RBM25: variants seen among roughly 807,000 people sequenced by gnomAD.
RBM25 encodes the protein RNA binding motif protein 25, also known as RNA-binding protein 25.
In RBM25, 19 loss-of-function variants were observed where a neutral mutation model predicts 120.7. The ratio of observed to expected loss-of-function variants is 0.16; its 90% CI spans 0.11 to 0.23. RBM25 has a LOEUF of 0.23. Ranked by LOEUF, RBM25 falls within the 10% of genes least tolerant of loss-of-function variation. The probability of loss-of-function intolerance (pLI) is 1.00; values close to 1 mark genes in which losing one functional copy is unlikely to be tolerated. For synonymous variants in RBM25, 390 were observed against 326.7 expected, an observed-to-expected ratio of 1.19 and a Z score of -2.09; for missense variants, 605 against 1,041.5, an observed-to-expected ratio of 0.58 and a Z score of 5.77.
At chr14:73,068,767 G>T in intron 1 of RBM25, 1 of 280,884 alleles carries the variant, frequency 3.6e-6, no homozygotes, top group Non-Finnish European at 7.1e-6. Context: ...GTAGAGATGG[G>T]GTTTCACCAT....
intron 13 of RBM25, 33 bp downstream of exon 13, chr14:73,107,932 G>C (rs1322677014): frequency 1.4e-6 from 2 of 1,462,514 alleles, no homozygotes; most frequent in East Asian, 2.3e-5. Context: ...ATTCATACTT[G>C]GTTTTTTATT....
chr14:73,120,907 C>A lies in RBM25; in HGVS notation c.*1102C>A, dbSNP rs1025651866. 6 of 152,076 alleles carry A rather than the reference C, an allele frequency of 3.9e-5. No individual in the cohort carries two copies. The highest frequency in any genetic ancestry group is 2.9e-5 in the Non-Finnish European group (2 of 68,002). The allele number at this position is 152,076 out of a possible 1,614,324, so 9.4% of individuals were successfully genotyped here. A position where few individuals can be genotyped will look rare whatever the true frequency, so the allele number is the denominator to read the frequency against. On this transcript the variant is annotated 3_prime_UTR_variant, in exon 19 of 19. Coordinates refer to ENST00000261973, the MANE Select transcript of RBM25 (RefSeq NM_021239.3). Reference sequence around the variant, plus strand: ...TAAATCATTCAAGGCAGTTACCAACCACTAACTATTTGTTTTCATTTTTGT... The same window carrying A: ...TAAATCATTCAAGGCAGTTACCAACAACTAACTATTTGTTTTCATTTTTGT...
intron 16 of RBM25, 37 bp from the exon 17 acceptor site, chr14:73,112,115 C>T: frequency 6.5e-7 from 1 of 1,530,962 alleles, no homozygotes. Flanking sequence ...TAGCAAGTTA[C>T]AATTCTTTAA....
Position 73,106,014 on chromosome 14 carries a change from A to G in RBM25, c.1310A>G (p.Glu437Gly), listed in dbSNP as rs1461625270. The change falls in exon 11 of 19, where the codon GAA becomes GGA. Residue 437 changes from glutamate (E) to glycine (G), a missense_variant. Physicochemically the swap from Glu to Gly is moderately conservative, Grantham distance 98 (BLOSUM62 -2). Coordinates refer to ENST00000261973, the MANE Select transcript of RBM25 (RefSeq NM_021239.3). ...AAAAAACGGGACCGAGAAGAAGATG[A>G]AGAAGATGCATACGAACGAAGAAAA... Reference protein sequence around the residue: ...KDKKRDREEDEEDAYERRKLE... With the variant: ...KDKKRDREEDGEDAYERRKLE... The G allele has an allele frequency of 3.1e-6, 5 of 1,613,520 alleles. No homozygotes were observed.
intron 6 of RBM25, among the ~76,000 whole-genome samples, chr14:73,095,293 T>C (rs971748488): frequency 3.3e-5 from 5 of 151,596 alleles, no homozygotes; most frequent in Non-Finnish European, 7.4e-5. Flanking sequence ...AAGTGCAGCA[T>C]CTTTCTCACA....
At chr14:73,106,595 C>T (rs1366975759) in intron 12 of RBM25, among the ~76,000 whole-genome samples, 1 of 151,840 alleles carries the variant, frequency 6.6e-6, no homozygotes, top group Non-Finnish European at 1.5e-5. Context: ...AATTGTTGAA[C>T]TGTTGTTATT....
chr14:73,068,133 T>G (rs1177588804), intron 1 of RBM25: 3 of 781,156 alleles, frequency 3.8e-6, no homozygotes, highest in Non-Finnish European at 6.4e-6. Flanking sequence ...ACTGGAAGGT[T>G]GGTCCTAGAT....
Position 73,093,826 on chromosome 14 carries a change from AG to A in RBM25, c.544-3088del, listed in dbSNP as rs552855886. Among the ~76,000 whole-genome samples, 335 of 151,024 alleles carry A rather than the reference AG, an allele frequency of 2.2e-3. 1 individual carries two copies. The highest frequency in any genetic ancestry group is 7.7e-3 in the African/African-American group (316 of 41,154). On this transcript the variant is annotated intron_variant, in intron 6 of 18. Coordinates refer to ENST00000261973, the MANE Select transcript of RBM25 (RefSeq NM_021239.3). Reference sequence around the variant, plus strand: ...CCGGCCATCTGGTTTCTGAAGTATAAGAAAAAAACAGGAAATCAGAAAATCG... The same window carrying A: ...CCGGCCATCTGGTTTCTGAAGTATAAAAAAAAACAGGAAATCAGAAAATCG...
At chr14:73,082,661 T>C (rs779677802) in intron 4 of RBM25, among the ~76,000 whole-genome samples, 9 of 152,224 alleles carry the variant, frequency 5.9e-5, no homozygotes, top group Non-Finnish European at 1.0e-4. Flanking sequence ...GGAATATTTC[T>C]CTTTATTTTT....
At position 73,106,186 on chromosome 14, in the gene RBM25, A is replaced by T; in HGVS notation, c.1378-10A>T. 1 of 1,579,782 alleles carries T rather than the reference A, an allele frequency of 6.3e-7. No individual in the cohort carries two copies. Among genetic ancestry groups the T allele is most frequent in the Non-Finnish European group, 8.6e-7 (1 of 1,169,210 alleles). ...AAATTTTTAAAGCTTTGAAAATTTA[A>T]TTTTTTTAGCGCCTTAAGAATTGGG... On this transcript the variant is annotated splice_polypyrimidine_tract_variant and intron_variant, in intron 11 of 18. Coordinates refer to ENST00000261973, the MANE Select transcript of RBM25 (RefSeq NM_021239.3).
intron 6 of RBM25, among the ~76,000 whole-genome samples, chr14:73,095,454 A>T (rs536819284): frequency 2.6e-5 from 4 of 151,780 alleles, no homozygotes; most frequent in Admixed American, 6.6e-5. Context: ...AAATACAAAA[A>T]AATTAGTCGG....
At chr14:73,110,704 C>T (rs1366904678) in intron 14 of RBM25, 127 bp from the exon 15 acceptor site, 3 of 1,171,402 alleles carry the variant, frequency 2.6e-6, no homozygotes, top group Admixed American at 5.6e-5. Context: ...GCTGGGATTA[C>T]AGGCATGAGC....
chr14:73,091,604 G>A (rs1486350254), intron 6 of RBM25, among the ~76,000 whole-genome samples: 1 of 152,090 alleles, frequency 6.6e-6, no homozygotes, highest in Non-Finnish European at 1.5e-5. Flanking sequence ...GGATGTGGTG[G>A]CTCACACCTG....
chr14:73,097,427 G>A (rs752741635), intron 7 of RBM25, among the ~76,000 whole-genome samples: 2 of 151,880 alleles, frequency 1.3e-5, no homozygotes, highest in Admixed American at 6.6e-5. Flanking sequence ...TCTCAATCTC[G>A]TGACCTCGTG....
chr14:73,113,272 A>C (rs1478665778), intron 17 of RBM25, among the ~76,000 whole-genome samples: 1 of 151,942 alleles, frequency 6.6e-6, no homozygotes, highest in East Asian at 2.0e-4. Context: ...TTTTTAGTGG[A>C]GATGGGGTTT....
At chr14:73,067,067 A>ATTTTTTT (rs375705058) in intron 1 of RBM25, among the ~76,000 whole-genome samples, 1 of 131,194 alleles carries the variant, frequency 7.6e-6, no homozygotes, top group Non-Finnish European at 1.6e-5. Flanking sequence ...GATACATATA[A>ATTTTTTT]TTTTTTTTTT....
intron 6 of RBM25, among the ~76,000 whole-genome samples, chr14:73,091,335 T>C (rs1165271619): frequency 6.6e-6 from 1 of 152,116 alleles, no homozygotes. Context: ...CCAGTGATCC[T>C]TCTGCCTCAG....
intron 7 of RBM25, 37 bp from the exon 8 acceptor site, chr14:73,099,343 C>CT: frequency 6.3e-7 from 1 of 1,581,240 alleles, no homozygotes. Context: ...CTCTGTTTTT[C>CT]TTTTTTAAAA....
chr14:73,097,232 A>T (rs214292), intron 7 of RBM25, 132 bp downstream of exon 7: 3 of 484,924 alleles, frequency 6.2e-6, no homozygotes, highest in Non-Finnish European at 8.5e-6. Context: ...ATGGAGGCTC[A>T]CTTTGTCTCC....
Sources: allele counts gnomAD v4.1 joint callset (sites outside exome capture counted in the v4.1 genomes callset), GRCh38; gene constraint gnomAD v4.1.1; transcripts MANE v1.5; gene names NCBI Gene and HGNC (gene_info 2026-07-23, HGNC 2026-07-21).